The following TBC1D14 variants were observed in gnomAD, a reference collection of about 807,000 sequenced individuals.
TBC1D14 encodes the protein TBC1 domain family, member 14.
In TBC1D14, 26 loss-of-function variants were observed where a neutral mutation model predicts 79.0. That is an observed-to-expected ratio of 0.33 (90% CI 0.24 to 0.46). TBC1D14 has a LOEUF of 0.46. TBC1D14 is among the 20% of genes least tolerant of loss of function. TBC1D14 has a pLI of 1.00. For missense variants in TBC1D14, 769 were observed against 887.6 expected (o/e 0.87, Z 1.70); for synonymous variants, 394 against 349.9 (o/e 1.13, Z -1.40).
In TBC1D14 at chr4:6,967,413, A is replaced by G; in HGVS notation, c.832A>G (p.Arg278Gly). 1 of 1,613,636 alleles carries G rather than the reference A, an allele frequency of 6.2e-7. No individual in the cohort carries two copies. The change falls in exon 3 of 14, where the codon AGA (arginine) becomes GGA (glycine). Residue 278 changes from arginine to glycine, a missense_variant. Arg to Gly is a moderately radical substitution (Grantham distance 125). Around this residue, in one of 2 missense-constraint regions of TBC1D14, gnomAD observed 402 missense variants for 393.2 expected, o/e 1.02. Coordinates refer to ENST00000409757, the MANE Select transcript of TBC1D14 (RefSeq NM_020773.3). ...AGAGAATGCCCAGAAGGATTCAAAG[A>G]GAATACAGAAGGTACACAAGATACA... ...LRENAQKDSK[R>G]IQKEYEDKAG...
chr4:6,984,814 T>C (rs1426508904), intron 3 of TBC1D14, among the ~76,000 whole-genome samples: 1 of 152,258 alleles, frequency 6.6e-6, no homozygotes, highest in African/African-American at 2.4e-5. Flanking sequence ...CTTGAAGCTG[T>C]AGTAGCCTGT....
intron 2 of TBC1D14, among the ~76,000 whole-genome samples, chr4:6,940,543 G>T (rs1210942352): frequency 6.6e-6 from 1 of 152,106 alleles, no homozygotes; most frequent in African/African-American, 2.4e-5. Context: ...TGGGGTTGAG[G>T]TTCTTGCCTG....
intron 3 of TBC1D14, among the ~76,000 whole-genome samples, chr4:6,982,873 A>G (rs1477390036): frequency 2.0e-5 from 3 of 152,248 alleles, no homozygotes; most frequent in African/African-American, 4.8e-5. Flanking sequence ...TGCAGAGACC[A>G]TATTTGGAAG....
At chr4:6,927,476 A>T (rs781038383) in intron 2 of TBC1D14, among the ~76,000 whole-genome samples, 8 of 152,126 alleles carry the variant, frequency 5.3e-5, no homozygotes. Context: ...ACTTCTTGGC[A>T]CTCCGGAAGT....
At chr4:6,940,819 G>A (rs1236606303) in intron 2 of TBC1D14, among the ~76,000 whole-genome samples, 1 of 152,184 alleles carries the variant, frequency 6.6e-6, no homozygotes, top group Non-Finnish European at 1.5e-5. Context: ...CTGGCAGCCA[G>A]GAGGCTGTGC....
intron 2 of TBC1D14, among the ~76,000 whole-genome samples, chr4:6,958,093 C>G (rs1292408681): frequency 6.6e-6 from 1 of 152,082 alleles, no homozygotes; most frequent in East Asian, 1.9e-4. Flanking sequence ...GTTCTCAGCT[C>G]CCCAGGGATG....
intron 12 of TBC1D14, among the ~76,000 whole-genome samples, chr4:7,023,153 C>G (rs1721996116): frequency 6.6e-6 from 1 of 152,268 alleles, no homozygotes; most frequent in South Asian, 2.1e-4. Flanking sequence ...ACTTGGGAGG[C>G]TGAGGCACAG....
chr4:7,025,317 C>A, intron 13 of TBC1D14, 55 bp downstream of exon 13: 1 of 1,601,702 alleles, frequency 6.2e-7, no homozygotes, highest in Non-Finnish European at 8.5e-7. Context: ...AGTGGCGCGA[C>A]TCAGGAAGGC....
At chr4:6,929,286 G>A (rs1212390532) in intron 2 of TBC1D14, among the ~76,000 whole-genome samples, 2 of 152,146 alleles carry the variant, frequency 1.3e-5, no homozygotes, top group Non-Finnish European at 2.9e-5. Flanking sequence ...GGCGATGAAA[G>A]GACCATTCTA....
intron 2 of TBC1D14, among the ~76,000 whole-genome samples, chr4:6,958,909 A>G (rs866554004): frequency 6.9e-6 from 1 of 145,900 alleles, no homozygotes; most frequent in South Asian, 2.2e-4. Context: ...TTTGAGACGG[A>G]GTCTCGCTCT....
intron 12 of TBC1D14, 64 bp downstream of exon 12, chr4:7,014,621 T>C: frequency 8.6e-7 from 1 of 1,161,996 alleles, no homozygotes; most frequent in East Asian, 2.4e-5. Flanking sequence ...CTTCACTCTC[T>C]TCTCTGCCAA....
chr4:7,000,656 G>C (rs1259950984), intron 6 of TBC1D14, among the ~76,000 whole-genome samples: 1 of 152,204 alleles, frequency 6.6e-6, no homozygotes, highest in Non-Finnish European at 1.5e-5. Context: ...GTTAGAACTT[G>C]CCAGCTCACA....
chr4:7,005,391 C>T (rs559533333), intron 8 of TBC1D14, among the ~76,000 whole-genome samples: 27 of 152,252 alleles, frequency 1.8e-4, no homozygotes, highest in African/African-American at 6.5e-4. Flanking sequence ...AAAAATTAGC[C>T]AGGTGTGGTG....
intron 2 of TBC1D14, 122 bp downstream of exon 2, chr4:6,924,233 A>G: frequency 7.4e-7 from 1 of 1,355,762 alleles, no homozygotes; most frequent in Non-Finnish European, 9.7e-7. Flanking sequence ...TCACACAGAT[A>G]ATTGGGTCTT....
intron 2 of TBC1D14, among the ~76,000 whole-genome samples, chr4:6,939,866 C>T (rs548058427): frequency 2.0e-4 from 31 of 152,254 alleles, no homozygotes; most frequent in Admixed American, 3.9e-4. Context: ...GAGTGGTGTG[C>T]GGGTGAAGCG....
At chr4:6,918,220 G>T (rs1272807501) in intron 1 of TBC1D14, among the ~76,000 whole-genome samples, 1 of 152,230 alleles carries the variant, frequency 6.6e-6, no homozygotes, top group Non-Finnish European at 1.5e-5. Context: ...GCAATTCAGG[G>T]AAGGGTCCTT....
chr4:6,942,288 A>G (rs1321156006), intron 2 of TBC1D14, among the ~76,000 whole-genome samples: 1 of 152,178 alleles, frequency 6.6e-6, no homozygotes, highest in African/African-American at 2.4e-5. Context: ...ACATCTTACT[A>G]GATTGCCACA....
chr4:7,016,952 C>CTGG (rs1721345407), intron 12 of TBC1D14, among the ~76,000 whole-genome samples: 1 of 152,150 alleles, frequency 6.6e-6, no homozygotes, highest in South Asian at 2.1e-4. Context: ...TGTCTTTGAA[C>CTGG]CCTTGGAACA....
At chr4:6,927,647 G>A (rs192981704) in intron 2 of TBC1D14, among the ~76,000 whole-genome samples, 2 of 152,194 alleles carry the variant, frequency 1.3e-5, no homozygotes, top group African/African-American at 4.8e-5. Context: ...TGGGGTAGAT[G>A]CGTCTTTGTT....
Sources: gnomAD v4.1 joint callset for allele counts (sites outside exome capture counted in the v4.1 genomes callset) on GRCh38, gnomAD v4.1.1 for gene constraint, gnomAD v4.1.1 regional missense constraint, MANE v1.5 for transcripts, NCBI Gene and HGNC (gene_info 2026-07-23, HGNC 2026-07-21) for gene names.